The following DNAH17 variants were observed in gnomAD, a reference collection of about 807,000 sequenced individuals.
DNAH17 encodes the protein dynein axonemal heavy chain 17, also known as axonemal beta dynein heavy chain 17.
Under a neutral mutation model 485.6 loss-of-function variants are expected in DNAH17, and 376 were observed. The ratio of observed to expected loss-of-function variants is 0.77; its 90% CI spans 0.71 to 0.84. The LOEUF is 0.84. DNAH17 is among the 40% of genes least tolerant of loss of function. DNAH17 has a pLI of 0.00. For synonymous variants in DNAH17, 3,031 were observed against 2,405.9 expected (o/e 1.26, Z -7.60); for missense variants, 6,370 against 5,839.3 (o/e 1.09, Z -2.96).
intron 54 of DNAH17, among the ~76,000 whole-genome samples, chr17:78,470,845 C>T (rs944723967): frequency 6.6e-6 from 1 of 152,196 alleles, no homozygotes; most frequent in East Asian, 1.9e-4. Context: ...TAACAGGCAA[C>T]CCCCTTTCAG....
chr17:78,538,349 G>C (rs2091434122), intron 18 of DNAH17, among the ~76,000 whole-genome samples: 1 of 152,146 alleles, frequency 6.6e-6, no homozygotes, highest in South Asian at 2.1e-4. Flanking sequence ...GGTTTACAGT[G>C]ATGGGATTGA....
At chr17:78,552,155 G>C (rs953111629) in intron 15 of DNAH17, among the ~76,000 whole-genome samples, 1 of 152,174 alleles carries the variant, frequency 6.6e-6, no homozygotes, top group African/African-American at 2.4e-5. Context: ...AGGGTTTGGA[G>C]AATGTGTGGA....
intron 13 of DNAH17, among the ~76,000 whole-genome samples, chr17:78,559,006 T>G (rs149345572): frequency 2.0e-5 from 3 of 152,316 alleles, no homozygotes; most frequent in Non-Finnish European, 4.4e-5. Flanking sequence ...CCATTATTAG[T>G]CTCTTTTGAT....
chr17:78,506,526 T>C (rs2090488847), intron 30 of DNAH17, among the ~76,000 whole-genome samples, 194 bp downstream of exon 30: 1 of 152,130 alleles, frequency 6.6e-6, no homozygotes, highest in African/African-American at 2.4e-5. Flanking sequence ...CAGAGCAGGA[T>C]GTGAGGCGAG....
chr17:78,559,903 T>C (rs11867901), intron 13 of DNAH17, among the ~76,000 whole-genome samples: 20,065 of 152,172 alleles, frequency 0.13, 1,470 homozygotes, highest in South Asian at 0.21. Flanking sequence ...CATGCCGTGC[T>C]GCAAAGCTGT....
At chr17:78,458,836 C>G (rs1173989918) in intron 61 of DNAH17, 156 bp from the exon 62 acceptor site, 1 of 1,006,802 alleles carries the variant, frequency 9.9e-7, no homozygotes, top group South Asian at 1.5e-5. Context: ...GGACACCAAG[C>G]GGCTCCCGGC....
chr17:78,531,705 G>A, intron 20 of DNAH17, among the ~76,000 whole-genome samples: 1 of 152,138 alleles, frequency 6.6e-6, no homozygotes, highest in Non-Finnish European at 1.5e-5. Context: ...CTGTTTGTGT[G>A]GAATCTCTTT....
intron 38 of DNAH17, 100 bp from the exon 39 acceptor site, chr17:78,495,197 A>T (rs1009270836): frequency 1.2e-5 from 17 of 1,406,470 alleles, no homozygotes; most frequent in Non-Finnish European, 1.4e-5. Context: ...CTCGACTGCC[A>T]GGTAGACCAC....
chr17:78,570,871 A>AAAG, intron 6 of DNAH17, 77 bp downstream of exon 6: 1 of 778,314 alleles, frequency 1.3e-6, no homozygotes, highest in African/African-American at 2.2e-5. Context: ...AAAAAAAAAA[A>AAAG]AAAAAAAGAA....
chr17:78,549,078 A>G (rs1404961507), intron 16 of DNAH17, among the ~76,000 whole-genome samples: 1 of 152,188 alleles, frequency 6.6e-6, no homozygotes, highest in African/African-American at 2.4e-5. Flanking sequence ...CAGAGCCCCT[A>G]TTGGGTGAGT....
intron 75 of DNAH17, among the ~76,000 whole-genome samples, chr17:78,430,290 C>T (rs540293943): frequency 6.6e-6 from 1 of 151,716 alleles, no homozygotes; most frequent in Admixed American, 6.6e-5. Flanking sequence ...TAAAAGAGAT[C>T]ATTCCAACAT....
chr17:78,440,213 C>T (rs2087016174), intron 72 of DNAH17, among the ~76,000 whole-genome samples: 1 of 141,508 alleles, frequency 7.1e-6, no homozygotes, highest in African/African-American at 2.6e-5. Flanking sequence ...GGGACTACAG[C>T]TGTGAGCCAC....
chr17:78,476,278 A>G (rs1424437135), intron 52 of DNAH17, among the ~76,000 whole-genome samples: 1 of 149,412 alleles, frequency 6.7e-6, no homozygotes, highest in Non-Finnish European at 1.5e-5. Flanking sequence ...ATCGCGTGGA[A>G]CCCTCGGACC....
At chr17:78,478,221 CCACA>C (rs1568118355) in intron 51 of DNAH17, among the ~76,000 whole-genome samples, 15 of 68,324 alleles carry the variant, frequency 2.2e-4, no homozygotes, top group East Asian at 1.2e-3. Flanking sequence ...ACCATCATCA[CCACA>C]TCACCATCAC....
rs2089823196 is a variant in DNAH17 at position 78,490,902 on chromosome 17, G to A, written c.6670-55C>T. On this transcript the variant is annotated intron_variant, in intron 43 of 80. Transcript: ENST00000389840. Reference sequence around the variant, plus strand: ...CTAAGGCGACACCTGCCATCCCAATGGTGTTCTGGGGTGGGGGTTACTCGG... The same window carrying A: ...CTAAGGCGACACCTGCCATCCCAATAGTGTTCTGGGGTGGGGGTTACTCGG... The A allele has an allele frequency of 2.7e-6, 4 of 1,506,702 alleles. No homozygotes were observed. In the South Asian group the frequency reaches 5.1e-5, roughly 19 times the overall value. 93.3% of individuals were successfully genotyped at this position (1,506,702 alleles called of 1,614,324 possible).
chr17:78,424,067 C>T lies in DNAH17; in HGVS notation c.13228G>A (p.Ala4410Thr). 1 of 1,614,020 alleles carries T rather than the reference C, an allele frequency of 6.2e-7. No individual in the cohort carries two copies. Among genetic ancestry groups the T allele is most frequent in the Non-Finnish European group, 8.5e-7 (1 of 1,179,892 alleles). ...TPAMPVIFIKAIPVDRMETKN... is the reference protein window; with the variant it reads ...TPAMPVIFIKTIPVDRMETKN... ...GTCTCCATGCGGTCCACAGGAATGG[C>T]CTTGATGAAGATGACAGGCATGGCC... The change falls in exon 81 of 81, where the codon GCC (alanine) becomes ACC (threonine). Residue 4410 changes from alanine to threonine, a missense_variant. By Grantham distance (58) the Ala-to-Thr change is moderately conservative. Transcript: ENST00000389840.
chr17:78,427,230 G>T, intron 77 of DNAH17, 122 bp from the exon 78 acceptor site: 1 of 984,068 alleles, frequency 1.0e-6, no homozygotes. Flanking sequence ...GAAGAGGCAA[G>T]TAGAGTTGCC....
At chr17:78,548,349 C>G (rs532455550) in intron 16 of DNAH17, among the ~76,000 whole-genome samples, 2 of 151,428 alleles carry the variant, frequency 1.3e-5, no homozygotes, top group Admixed American at 1.3e-4. Context: ...GAACTACAGG[C>G]GCCCGCCACT....
chr17:78,454,241 G>C (rs561800795), intron 64 of DNAH17, among the ~76,000 whole-genome samples: 1 of 152,280 alleles, frequency 6.6e-6, no homozygotes, highest in East Asian at 1.9e-4. Context: ...CTGAGCCTCC[G>C]TCTCACTCTC....
Sources: allele counts gnomAD v4.1 joint callset (sites outside exome capture counted in the v4.1 genomes callset), GRCh38; gene constraint gnomAD v4.1.1; transcripts MANE v1.5; gene names NCBI Gene and HGNC (gene_info 2026-07-23, HGNC 2026-07-21).